PPP1R14C: variants seen among roughly 807,000 people sequenced by gnomAD.
PPP1R14C encodes protein phosphatase 1 regulatory inhibitor subunit 14C.
In PPP1R14C, 16 loss-of-function variants were observed where a neutral mutation model predicts 20.4. That is an observed-to-expected ratio of 0.78 (90% confidence interval 0.53 to 1.19). The LOEUF (loss-of-function observed/expected upper bound fraction) is 1.19. PPP1R14C is among the 50% of genes most tolerant of loss of function. The pLI is 0.00. For missense variants in PPP1R14C, 211 were observed against 220.1 expected (o/e 0.96, Z 0.26); for synonymous variants, 91 against 91.0 (o/e 1.00, Z 0.00).
chr6:150,174,875 A>T (rs1286817177), intron 1 of PPP1R14C, among the ~76,000 whole-genome samples: 1 of 151,592 alleles, frequency 6.6e-6, no homozygotes, highest in East Asian at 2.0e-4. Context: ...CTGAGACAGG[A>T]GAATTGCTTG....
chr6:150,151,842 C>T (rs1481523226), intron 1 of PPP1R14C, among the ~76,000 whole-genome samples: 4 of 152,190 alleles, frequency 2.6e-5, no homozygotes, highest in Non-Finnish European at 4.4e-5. Context: ...TGATTGCGGC[C>T]GGGCGCGGTG....
intron 3 of PPP1R14C, among the ~76,000 whole-genome samples, chr6:150,222,765 C>CTT (rs4038164): frequency 0.081 from 5,727 of 71,134 alleles, 837 homozygotes; most frequent in African/African-American, 0.13. Context: ...TTCAAACTGG[C>CTT]TTTTTTTTTT....
intron 1 of PPP1R14C, among the ~76,000 whole-genome samples, chr6:150,199,000 C>CTTT (rs557858473): frequency 6.8e-6 from 1 of 146,556 alleles, no homozygotes; most frequent in Non-Finnish European, 1.5e-5. Context: ...TAGGCTTCTT[C>CTTT]TTTTTTTTTT....
intron 3 of PPP1R14C, among the ~76,000 whole-genome samples, chr6:150,218,880 G>A (rs1364087913): frequency 6.6e-6 from 1 of 152,060 alleles, no homozygotes; most frequent in East Asian, 1.9e-4. Context: ...TTGAACTCCT[G>A]GCCTCAAGCT....
At chr6:150,228,639 C>T (rs1460910591) in intron 3 of PPP1R14C, among the ~76,000 whole-genome samples, 2 of 152,098 alleles carry the variant, frequency 1.3e-5, no homozygotes, top group Non-Finnish European at 1.5e-5. Flanking sequence ...TGACTCAAAG[C>T]GTCTACTCTA....
At chr6:150,211,741 C>T (rs1778026548) in intron 1 of PPP1R14C, among the ~76,000 whole-genome samples, 1 of 152,214 alleles carries the variant, frequency 6.6e-6, no homozygotes, top group Non-Finnish European at 1.5e-5. Context: ...GCCTCTGGGT[C>T]TCTATGTTCT....
chr6:150,228,529 G>A, intron 3 of PPP1R14C, among the ~76,000 whole-genome samples: 1 of 152,186 alleles, frequency 6.6e-6, no homozygotes, highest in African/African-American at 2.4e-5. Flanking sequence ...AATCTGAGAA[G>A]CTAACCTGAG....
At chr6:150,205,489 T>C (rs1373513433) in intron 1 of PPP1R14C, among the ~76,000 whole-genome samples, 1 of 152,122 alleles carries the variant, frequency 6.6e-6, no homozygotes, top group Non-Finnish European at 1.5e-5. Flanking sequence ...TCTCTGAGGT[T>C]TGGATCAGCA....
At chr6:150,164,220 AAAC>A (rs1214487865) in intron 1 of PPP1R14C, among the ~76,000 whole-genome samples, 2 of 152,164 alleles carry the variant, frequency 1.3e-5, no homozygotes, top group Non-Finnish European at 2.9e-5. Context: ...CAAAGAGAAA[AAAC>A]AACAACTTTG....
At chr6:150,173,076 CAG>C (rs1363874968) in intron 1 of PPP1R14C, among the ~76,000 whole-genome samples, 3 of 152,108 alleles carry the variant, frequency 2.0e-5, no homozygotes, top group Admixed American at 2.0e-4. Context: ...AAAGAAAGCA[CAG>C]AGTTTTCCCC....
At chr6:150,219,359 G>C (rs930010364) in intron 3 of PPP1R14C, among the ~76,000 whole-genome samples, 32 of 152,098 alleles carry the variant, frequency 2.1e-4, no homozygotes, top group African/African-American at 7.5e-4. Flanking sequence ...CTCCTGAGTA[G>C]CTGGGATTAC....
chr6:150,194,080 C>G (rs1777776086), intron 1 of PPP1R14C, among the ~76,000 whole-genome samples: 2 of 152,170 alleles, frequency 1.3e-5, no homozygotes, highest in African/African-American at 4.8e-5. Flanking sequence ...TTTCATTTCT[C>G]TCTTGCTGCT....
At chr6:150,246,198 G>A (rs917559680) in intron 3 of PPP1R14C, among the ~76,000 whole-genome samples, 1 of 151,654 alleles carries the variant, frequency 6.6e-6, no homozygotes, top group Non-Finnish European at 1.5e-5. Context: ...TATTCCTTAT[G>A]TAATTTTAGT....
chr6:150,208,132 A>G (rs1777977181), intron 1 of PPP1R14C, among the ~76,000 whole-genome samples: 1 of 152,160 alleles, frequency 6.6e-6, no homozygotes, highest in South Asian at 2.1e-4. Context: ...GAAGGTTCCC[A>G]TTACCTCTCA....
rs551158222 is a variant in PPP1R14C, at chr6:150,240,148, G to A, written c.424-8598G>A. Reference sequence around the variant, plus strand: ...GGTCAATACAATTGATAAACTTGTAGCCATAATGATAAATGGAAATAAGGA... The same window carrying A: ...GGTCAATACAATTGATAAACTTGTAACCATAATGATAAATGGAAATAAGGA... On this transcript the variant is annotated intron_variant, in intron 3 of 3. Coordinates refer to ENST00000361131, the MANE Select transcript of PPP1R14C (RefSeq NM_030949.3). Among the ~76,000 whole-genome samples the A allele has an allele frequency of 1.2e-4, 19 of 152,286 alleles. No individual in the cohort carries two copies. In the East Asian group the frequency reaches 3.3e-3, roughly 26 times the overall value.
chr6:150,192,836 T>A (rs1466611981), intron 1 of PPP1R14C, among the ~76,000 whole-genome samples: 2 of 152,158 alleles, frequency 1.3e-5, no homozygotes, highest in Non-Finnish European at 2.9e-5. Context: ...AGGTCTGGCT[T>A]CTTGCCCTCT....
At chr6:150,215,306 C>T (rs1283384405) in intron 2 of PPP1R14C, among the ~76,000 whole-genome samples, 2 of 152,210 alleles carry the variant, frequency 1.3e-5, no homozygotes, top group African/African-American at 2.4e-5. Flanking sequence ...ACAGTGCTCA[C>T]CTCATAGCAT....
intron 1 of PPP1R14C, among the ~76,000 whole-genome samples, chr6:150,212,018 C>T (rs1394104968): frequency 6.6e-6 from 1 of 152,206 alleles, no homozygotes. Context: ...GGTTTCTCAT[C>T]ACATGCCCTT....
At chr6:150,175,622 T>C (rs1194203560) in intron 1 of PPP1R14C, among the ~76,000 whole-genome samples, 4 of 152,182 alleles carry the variant, frequency 2.6e-5, no homozygotes, top group African/African-American at 9.7e-5. Flanking sequence ...TACTTTGACA[T>C]CTCCCTGGTG....
Sources: gnomAD v4.1 joint callset for allele counts (sites outside exome capture counted in the v4.1 genomes callset) on GRCh38, gnomAD v4.1.1 for gene constraint, MANE v1.5 for transcripts, NCBI Gene and HGNC (gene_info 2026-07-23, HGNC 2026-07-21) for gene names.